The following OTUD7A variants were observed in gnomAD, a reference collection of about 807,000 sequenced individuals.
OTUD7A encodes the protein OTU domain-containing protein 7A.
A neutral mutation model predicts 65.7 loss-of-function variants in OTUD7A; 12 were observed. The ratio of observed to expected loss-of-function variants is 0.18; its 90% CI spans 0.12 to 0.30. The LOEUF (loss-of-function observed/expected upper bound fraction) is 0.30. Ranked by LOEUF, OTUD7A falls within the 10% of genes least tolerant of loss-of-function variation. The probability of loss-of-function intolerance (pLI) is 1.00; values close to 1 mark genes in which losing one functional copy is unlikely to be tolerated. For missense variants in OTUD7A, 1,148 were observed against 1,304.8 expected (o/e 0.88, Z 1.85); for synonymous variants, 641 against 586.3 (o/e 1.09, Z -1.35).
intron 1 of OTUD7A, among the ~76,000 whole-genome samples, chr15:31,780,616 G>A (rs557903486): frequency 3.4e-4 from 52 of 152,296 alleles, no homozygotes; most frequent in African/African-American, 1.1e-3. Flanking sequence ...GAAAACCACC[G>A]AAGTACAGCA....
At chr15:31,623,300 T>A (rs1456183799) in intron 3 of OTUD7A, among the ~76,000 whole-genome samples, 2 of 152,238 alleles carry the variant, frequency 1.3e-5, no homozygotes, top group African/African-American at 2.4e-5. Context: ...GCTGTCAGAC[T>A]GGGACATTTA....
At chr15:31,696,440 C>T (rs913452634) in intron 1 of OTUD7A, among the ~76,000 whole-genome samples, 26 of 119,390 alleles carry the variant, frequency 2.2e-4, no homozygotes, top group East Asian at 1.8e-3. Context: ...CTGGGCCCAT[C>T]GCCTTCTCAC....
At chr15:31,853,174 G>A (rs759091117) in intron 1 of OTUD7A, among the ~76,000 whole-genome samples, 26 of 152,194 alleles carry the variant, frequency 1.7e-4, no homozygotes, top group Admixed American at 4.6e-4. Context: ...GAGCCCTAAA[G>A]TTACTACACA....
chr15:31,727,244 T>C (rs1247675430), intron 1 of OTUD7A, among the ~76,000 whole-genome samples: 1 of 152,234 alleles, frequency 6.6e-6, no homozygotes, highest in African/African-American at 2.4e-5. Context: ...TTTCCCAACC[T>C]TCCCACAGCA....
At chr15:31,541,336 T>C (rs1243273184) in intron 5 of OTUD7A, among the ~76,000 whole-genome samples, 2 of 152,222 alleles carry the variant, frequency 1.3e-5, no homozygotes, top group Non-Finnish European at 2.9e-5. Context: ...TGAAAAGATT[T>C]CTTATATCCC....
chr15:31,677,786 A>G (rs1892626184), intron 1 of OTUD7A, among the ~76,000 whole-genome samples: 1 of 152,208 alleles, frequency 6.6e-6, no homozygotes, highest in Non-Finnish European at 1.5e-5. Flanking sequence ...ACAGACTAAT[A>G]GAGTAAATTG....
At chr15:31,727,673 G>A (rs1337124209) in intron 1 of OTUD7A, among the ~76,000 whole-genome samples, 1 of 152,120 alleles carries the variant, frequency 6.6e-6, no homozygotes, top group Non-Finnish European at 1.5e-5. Context: ...GACTATTCTT[G>A]CTAAGATCCA....
At chr15:31,770,372 G>C (rs1281998686) in intron 1 of OTUD7A, among the ~76,000 whole-genome samples, 1 of 152,112 alleles carries the variant, frequency 6.6e-6, no homozygotes, top group Non-Finnish European at 1.5e-5. Context: ...TATACAAAAA[G>C]AAAGTAGAAA....
At chr15:31,589,560 C>G (rs1889658095) in intron 3 of OTUD7A, among the ~76,000 whole-genome samples, 1 of 150,984 alleles carries the variant, frequency 6.6e-6, no homozygotes. Context: ...ACCTCGGCCT[C>G]CCAAAATGCT....
intron 1 of OTUD7A, chr15:31,766,651 T>A: frequency 1.2e-6 from 2 of 1,602,666 alleles, no homozygotes; most frequent in Non-Finnish European, 1.7e-6. Flanking sequence ...AAGCAAACTC[T>A]GAGACCTTCA....
At chr15:31,486,307 A>C (rs1294353959) in intron 12 of OTUD7A, among the ~76,000 whole-genome samples, 3 of 152,168 alleles carry the variant, frequency 2.0e-5, no homozygotes, top group Admixed American at 2.0e-4. Flanking sequence ...CACTTATGCC[A>C]TCAGTAAAAT....
intron 1 of OTUD7A, among the ~76,000 whole-genome samples, chr15:31,860,959 T>A (rs995168993): frequency 6.7e-6 from 1 of 149,706 alleles, no homozygotes; most frequent in East Asian, 2.0e-4. Context: ...GACCTCGTGA[T>A]CTGCCTGCCT....
At chr15:31,615,241 G>T (rs2141228083) in intron 3 of OTUD7A, among the ~76,000 whole-genome samples, 1 of 152,244 alleles carries the variant, frequency 6.6e-6, no homozygotes, top group South Asian at 2.1e-4. Flanking sequence ...GCTTACATCT[G>T]AATCACAAAC....
At chr15:31,773,988 T>C (rs947825248) in intron 1 of OTUD7A, among the ~76,000 whole-genome samples, 2 of 152,210 alleles carry the variant, frequency 1.3e-5, no homozygotes, top group South Asian at 2.1e-4. Context: ...GAACACTTTA[T>C]CAGTCATTGA....
At position 31,759,656 on chromosome 15, in the gene OTUD7A, C is replaced by T. The variant is rs574097250; in HGVS notation, c.-99-102579G>A. On this transcript the variant is annotated intron_variant, in intron 1 of 12. Transcript: ENST00000307050. ...TCAAGCAATTCTCCTACCTCAGCCT[C>T]CCGAGTAGCTGGGATACAGGCGTGC... Among the ~76,000 whole-genome samples the T allele has an allele frequency of 8.5e-4, 129 of 152,304 alleles. No homozygotes were observed. In the South Asian group the frequency reaches 0.013, roughly 15 times the overall value.
intron 1 of OTUD7A, among the ~76,000 whole-genome samples, chr15:31,759,140 C>T (rs1894892259): frequency 6.6e-6 from 1 of 152,210 alleles, no homozygotes; most frequent in Non-Finnish European, 1.5e-5. Flanking sequence ...AAGGCAGCAG[C>T]TCTGTATTTC....
intron 3 of OTUD7A, among the ~76,000 whole-genome samples, chr15:31,602,881 A>G (rs1890123510): frequency 6.6e-6 from 1 of 152,212 alleles, no homozygotes; most frequent in Non-Finnish European, 1.5e-5. Flanking sequence ...AACACAACTT[A>G]CAAGGGATGT....
At chr15:31,779,680 C>A (rs1464070360) in intron 1 of OTUD7A, among the ~76,000 whole-genome samples, 1 of 152,174 alleles carries the variant, frequency 6.6e-6, no homozygotes, top group African/African-American at 2.4e-5. Flanking sequence ...CCTAGTGCAA[C>A]TTCCTGAACA....
At chr15:31,675,875 A>G (rs1296607989) in intron 1 of OTUD7A, among the ~76,000 whole-genome samples, 1 of 152,350 alleles carries the variant, frequency 6.6e-6, no homozygotes, top group East Asian at 1.9e-4. Context: ...AAAACAATAA[A>G]TCTTTAATGA....
Sources: allele counts gnomAD v4.1 joint callset (sites outside exome capture counted in the v4.1 genomes callset), GRCh38; gene constraint gnomAD v4.1.1; transcripts MANE v1.5; gene names NCBI Gene and HGNC (gene_info 2026-07-23, HGNC 2026-07-21).